The following BTBD10 variants were observed in gnomAD, a reference collection of about 807,000 sequenced individuals.
BTBD10 encodes the protein BTB domain containing 10.
In BTBD10, 21 loss-of-function variants were observed where a neutral mutation model predicts 53.2. The observed-to-expected ratio is 0.39, with a 90% CI of 0.28 to 0.57. BTBD10 has a LOEUF of 0.57. BTBD10 is among the 20% of genes least tolerant of loss of function. BTBD10 has a pLI of 0.53. For missense variants in BTBD10, 360 were observed against 594.7 expected (o/e 0.61, Z 4.10); for synonymous variants, 149 against 192.7 (o/e 0.77, Z 1.88).
At chr11:13,451,234 C>T (rs1239772026) in intron 1 of BTBD10, among the ~76,000 whole-genome samples, 2 of 152,056 alleles carry the variant, frequency 1.3e-5, no homozygotes, top group Non-Finnish European at 2.9e-5. Flanking sequence ...AGAACTCTGC[C>T]CTTGAAAGCT....
chr11:13,430,967 A>C (rs1036500477), intron 2 of BTBD10, among the ~76,000 whole-genome samples: 6 of 106,686 alleles, frequency 5.6e-5, no homozygotes. Context: ...GGTTTTATGG[A>C]GATACATACA....
intron 2 of BTBD10, chr11:13,439,905 G>A (rs1252312530): frequency 6.5e-7 from 1 of 1,532,070 alleles, no homozygotes; most frequent in Non-Finnish European, 8.7e-7. Context: ...ATATGCCAAG[G>A]TAGACACACA....
At chr11:13,433,219 T>C (rs1316222999) in intron 2 of BTBD10, among the ~76,000 whole-genome samples, 1 of 152,160 alleles carries the variant, frequency 6.6e-6, no homozygotes, top group Non-Finnish European at 1.5e-5. Flanking sequence ...CCTTAGAAAC[T>C]AAAAATACAT....
intron 2 of BTBD10, among the ~76,000 whole-genome samples, chr11:13,444,579 A>G (rs560110631): frequency 6.6e-6 from 1 of 152,212 alleles, no homozygotes; most frequent in Non-Finnish European, 1.5e-5. Context: ...TTTCTCATTA[A>G]TGAGAAGGAT....
In BTBD10 at chr11:13,446,274, A is replaced by G. The variant is rs1950748222; in HGVS notation, c.-57-1093T>C. On this transcript the variant is annotated intron_variant, in intron 1 of 8. Transcript: ENST00000278174. The stretch of plus-strand genomic sequence containing the variant: ...GGTGGGAGGTGAGGTAGAGTTGTAC[A>G]TAAAAGTCAAAGGGAAATTCCAAAA... Among the ~76,000 whole-genome samples, 2 of 152,162 alleles carry G rather than the reference A, an allele frequency of 1.3e-5. 1 individual carries two copies.
At chr11:13,437,647 G>C (rs923660494) in intron 2 of BTBD10, among the ~76,000 whole-genome samples, 1 of 152,112 alleles carries the variant, frequency 6.6e-6, no homozygotes, top group Non-Finnish European at 1.5e-5. Flanking sequence ...ATATATTATA[G>C]CGTTGCTAGT....
At chr11:13,412,104 T>G (rs1949965845) in intron 6 of BTBD10, among the ~76,000 whole-genome samples, 1 of 152,102 alleles carries the variant, frequency 6.6e-6, no homozygotes, top group Admixed American at 6.5e-5. Context: ...GTGCTGAGAT[T>G]ACAGGTGTGA....
At chr11:13,448,479 T>C (rs549211259) in intron 1 of BTBD10, among the ~76,000 whole-genome samples, 155 of 152,282 alleles carry the variant, frequency 1.0e-3, no homozygotes, top group African/African-American at 3.6e-3. Flanking sequence ...CCAACTTCAA[T>C]AGTCAGTCTC....
At chr11:13,396,186 C>T (rs1217952934) in intron 8 of BTBD10, among the ~76,000 whole-genome samples, 2 of 152,138 alleles carry the variant, frequency 1.3e-5, no homozygotes, top group Non-Finnish European at 2.9e-5. Context: ...GAATGTTCTT[C>T]CATTTGTTTG....
At position 13,432,338 on chromosome 11, in the gene BTBD10, TA is replaced by T. The variant is rs201757175; in HGVS notation, c.102-10501del. ...AATAAAATATCACAGAACCATGTAA[TA>T]AAAAAAAGATAAAGTGCATGTAAAA... On this transcript the variant is annotated intron_variant, in intron 2 of 8. Coordinates refer to ENST00000278174, the MANE Select transcript of BTBD10 (RefSeq NM_032320.7). Among the ~76,000 whole-genome samples the T allele has an allele frequency of 5.9e-3, 898 of 151,654 alleles. 23 individuals carry two copies. Among genetic ancestry groups the T allele is most frequent in the Admixed American group, 0.046 (694 of 15,228 alleles).
At chr11:13,420,485 TTTC>T in intron 3 of BTBD10, among the ~76,000 whole-genome samples, 1 of 152,238 alleles carries the variant, frequency 6.6e-6, no homozygotes, top group South Asian at 2.1e-4. Flanking sequence ...TTCAGAAAAT[TTTC>T]TTAAGATGTT....
intron 8 of BTBD10, among the ~76,000 whole-genome samples, chr11:13,402,331 T>C (rs1029916381): frequency 4.6e-5 from 7 of 152,238 alleles, no homozygotes; most frequent in Admixed American, 3.9e-4. Context: ...AAACTTACTA[T>C]GTACTAGGCA....
intron 1 of BTBD10, among the ~76,000 whole-genome samples, chr11:13,450,125 T>G (rs189009313): frequency 2.0e-5 from 3 of 152,148 alleles, no homozygotes; most frequent in African/African-American, 4.8e-5. Context: ...GTGAAGAGGA[T>G]AGAATTACAT....
chr11:13,440,278 G>C, intron 2 of BTBD10: 4 of 1,191,188 alleles, frequency 3.4e-6, no homozygotes, highest in Non-Finnish European at 4.2e-6. Flanking sequence ...ACAGCATCGT[G>C]TGAGCTGTGA....
At chr11:13,458,363 A>C (rs1951017546) in intron 1 of BTBD10, among the ~76,000 whole-genome samples, 1 of 152,168 alleles carries the variant, frequency 6.6e-6, no homozygotes, top group African/African-American at 2.4e-5. Flanking sequence ...ACACACACGA[A>C]ATGGAAATTT....
rs201139727 is a variant in BTBD10 at position 13,405,717 on chromosome 11, A to G, written c.948T>C (p.Asp316=). ...ATTCTTCATCCCAATCAACCACATC[A>G]TCATCTGTAAGCACCACTATATGAC... is the stretch of plus-strand genomic sequence containing the variant. ...RECHIVVLTD[D]DVVDWDEEYP... The change falls in exon 7 of 9, where the codon GAT becomes GAC. Residue 316 remains aspartate, a synonymous_variant. Transcript: ENST00000278174. 53 of 1,613,768 alleles carry G rather than the reference A, an allele frequency of 3.3e-5. No individual in the cohort carries two copies. In the East Asian group the frequency reaches 1.2e-3, roughly 36 times the overall value.
chr11:13,395,480 C>T (rs962229316), intron 8 of BTBD10, among the ~76,000 whole-genome samples: 5 of 151,992 alleles, frequency 3.3e-5, no homozygotes, highest in African/African-American at 4.8e-5. Flanking sequence ...TTTCTCCCAT[C>T]CTGTAGGTTG....
chr11:13,406,425 C>CT (rs1949829659), intron 6 of BTBD10, among the ~76,000 whole-genome samples: 1 of 152,136 alleles, frequency 6.6e-6, no homozygotes, highest in East Asian at 1.9e-4. Context: ...ACCTGCACTG[C>CT]TTTTTTCTTT....
chr11:13,402,391 C>T (rs1949733027), intron 8 of BTBD10, among the ~76,000 whole-genome samples: 1 of 152,152 alleles, frequency 6.6e-6, no homozygotes, highest in African/African-American at 2.4e-5. Context: ...TTACAAAAAC[C>T]TTATAAAGTA....
Sources: gnomAD v4.1 joint callset for allele counts (sites outside exome capture counted in the v4.1 genomes callset) on GRCh38, gnomAD v4.1.1 for gene constraint, MANE v1.5 for transcripts, NCBI Gene and HGNC (gene_info 2026-07-23, HGNC 2026-07-21) for gene names.